LRBA: variants seen among roughly 807,000 people sequenced by gnomAD.
The protein encoded by LRBA is LPS responsive beige-like anchor protein, also known as lipopolysaccharide-responsive and beige-like anchor protein.
In LRBA, 176 loss-of-function variants were observed where a neutral mutation model predicts 330.0. That is an observed-to-expected ratio of 0.53 (90% CI 0.47 to 0.60). The LOEUF is 0.60. Among genes scored for constraint, LRBA ranks in the 20% least tolerant of loss-of-function variants. The probability of loss-of-function intolerance (pLI) is 0.00; values close to 1 mark genes in which losing one functional copy is unlikely to be tolerated. For synonymous variants in LRBA, 1,230 were observed against 1,193.0 expected, an observed-to-expected ratio of 1.03 and a Z score of -0.64; for missense variants, 3,259 against 3,444.8, an observed-to-expected ratio of 0.95 and a Z score of 1.35.
At chr4:150,593,702 AAAC>A (rs529636032) in intron 38 of LRBA, among the ~76,000 whole-genome samples, 241 of 152,308 alleles carry the variant, frequency 1.6e-3, no homozygotes, top group Middle Eastern at 3.4e-3. Context: ...TGAACATGCC[AAAC>A]ACATCAGAAA....
At chr4:150,427,501 T>C (rs529650013) in intron 46 of LRBA, among the ~76,000 whole-genome samples, 31 of 151,848 alleles carry the variant, frequency 2.0e-4, no homozygotes, top group African/African-American at 7.0e-4. Context: ...AAGTTACGTA[T>C]AAAAAGCAAG....
intron 36 of LRBA, among the ~76,000 whole-genome samples, chr4:150,700,863 T>C (rs1056664853): frequency 6.6e-6 from 1 of 151,962 alleles, no homozygotes; most frequent in Non-Finnish European, 1.5e-5. Flanking sequence ...GCTCGAGTGA[T>C]TCTCCCACTT....
At chr4:150,872,897 A>G (rs1334731719) in intron 17 of LRBA, 142 bp from the exon 18 acceptor site, 12 of 446,298 alleles carry the variant, frequency 2.7e-5, no homozygotes, top group East Asian at 4.0e-5. Flanking sequence ...GTATATAAAA[A>G]ATCTGCTTAT....
chr4:150,597,196 G>C lies in LRBA; in HGVS notation c.6046+1811C>G. 4.5e-6 allele frequency: 3 copies of C among 666,068 alleles called. No individual in the cohort carries two copies. In the South Asian group the frequency reaches 6.8e-5, roughly 15 times the overall value. The allele number at this position is 666,068 out of a possible 1,614,324, so 41.3% of individuals were successfully genotyped here. On this transcript the variant is annotated intron_variant, in intron 38 of 56. Coordinates refer to ENST00000651943, the MANE Select transcript of LRBA (RefSeq NM_001364905.1). Reference sequence around the variant, plus strand: ...CAGAGTGAAATCTACTTCTATACAAGTCAAGAGTCTTAGGATGATAGTAAA... The same window carrying C: ...CAGAGTGAAATCTACTTCTATACAACTCAAGAGTCTTAGGATGATAGTAAA...
At chr4:150,784,417 T>C (rs1738726699) in intron 34 of LRBA, among the ~76,000 whole-genome samples, 1 of 152,184 alleles carries the variant, frequency 6.6e-6, no homozygotes, top group African/African-American at 2.4e-5. Flanking sequence ...TATCGCTGCC[T>C]TTTTGCCCTT....
chr4:150,899,740 A>T (rs1339811388), intron 14 of LRBA, among the ~76,000 whole-genome samples: 1 of 152,144 alleles, frequency 6.6e-6, no homozygotes. Flanking sequence ...AGCATCAATT[A>T]CTAAAAACTA....
intron 54 of LRBA, among the ~76,000 whole-genome samples, chr4:150,284,667 C>T (rs569282363): frequency 1.3e-5 from 2 of 152,236 alleles, no homozygotes; most frequent in South Asian, 2.1e-4. Flanking sequence ...GCTGGGACTA[C>T]AGGTGTGCAC....
intron 35 of LRBA, among the ~76,000 whole-genome samples, chr4:150,749,906 C>G (rs1249343960): frequency 1.3e-5 from 2 of 152,184 alleles, no homozygotes; most frequent in African/African-American, 4.8e-5. Flanking sequence ...TTGAATACTT[C>G]TCTTGACATT....
chr4:150,993,249 A>G lies in LRBA; in HGVS notation c.216+21178T>C, dbSNP rs1378533270. 2.6e-5 allele frequency among the ~76,000 whole-genome samples: 4 copies of G among 152,394 alleles called. No homozygotes were observed. The East Asian group carries it at 7.7e-4, about 29-fold the overall frequency. On this transcript the variant is annotated intron_variant, in intron 2 of 56. Transcript: ENST00000651943. ...TTTTTCAAAAATTTGAATTGTAATA[A>G]AAGGAAATTTCAATGTTCTATTTCA...
intron 31 of LRBA, among the ~76,000 whole-genome samples, chr4:150,813,932 C>T (rs1354650705): frequency 6.6e-6 from 1 of 151,930 alleles, no homozygotes; most frequent in African/African-American, 2.4e-5. Context: ...AATATTTTCA[C>T]CTTACAATGG....
intron 37 of LRBA, among the ~76,000 whole-genome samples, chr4:150,652,601 T>G (rs1044273444): frequency 6.6e-5 from 10 of 152,194 alleles, no homozygotes; most frequent in Admixed American, 4.6e-4. Flanking sequence ...CAGATAAAAT[T>G]AATTCTAATA....
At chr4:150,770,311 T>C (rs1407353366) in intron 34 of LRBA, among the ~76,000 whole-genome samples, 2 of 152,112 alleles carry the variant, frequency 1.3e-5, no homozygotes, top group East Asian at 1.9e-4. Flanking sequence ...TCCCTCATAA[T>C]AAATTTCTTT....
chr4:150,905,822 T>C lies in LRBA; in HGVS notation c.1755+16A>G. ...CAAAGATAGTAAAACAATATCAATA[T>C]ATAGATATATATTACCTTGGCTGGG... On this transcript the variant is annotated intron_variant, in intron 13 of 56. Transcript: ENST00000651943. 1 of 1,595,714 alleles carries C rather than the reference T, an allele frequency of 6.3e-7. No homozygotes were observed. Among genetic ancestry groups the C allele is most frequent in the Non-Finnish European group, 8.6e-7 (1 of 1,167,914 alleles).
intron 37 of LRBA, among the ~76,000 whole-genome samples, chr4:150,680,365 G>A (rs1031532329): frequency 6.6e-6 from 1 of 152,154 alleles, no homozygotes; most frequent in Non-Finnish European, 1.5e-5. Context: ...AAGAGAGAGA[G>A]AGAAAGAACT....
intron 2 of LRBA, among the ~76,000 whole-genome samples, chr4:150,951,723 G>C (rs1438487274): frequency 6.6e-6 from 1 of 152,084 alleles, no homozygotes; most frequent in African/African-American, 2.4e-5. Flanking sequence ...TAATAAAGTA[G>C]TTAGGTCCTG....
intron 36 of LRBA, among the ~76,000 whole-genome samples, chr4:150,684,796 G>A (rs1314005376): frequency 6.6e-6 from 1 of 151,992 alleles, no homozygotes; most frequent in African/African-American, 2.4e-5. Context: ...CTTGATGTTG[G>A]GATAAATATT....
intron 4 of LRBA, among the ~76,000 whole-genome samples, chr4:150,923,184 CA>C (rs372277904): frequency 7.0e-4 from 96 of 137,234 alleles, no homozygotes; most frequent in African/African-American, 9.6e-4. Flanking sequence ...ATCGTAAAGT[CA>C]AAAAAAAAAA....
intron 35 of LRBA, among the ~76,000 whole-genome samples, chr4:150,736,663 T>C (rs948219404): frequency 1.3e-5 from 2 of 152,072 alleles, no homozygotes; most frequent in African/African-American, 4.8e-5. Flanking sequence ...AGATACATAA[T>C]TAGAAAAAAG....
At chr4:150,747,974 A>C (rs1720987777) in intron 35 of LRBA, among the ~76,000 whole-genome samples, 1 of 152,152 alleles carries the variant, frequency 6.6e-6, no homozygotes, top group African/African-American at 2.4e-5. Context: ...TTTCAAATCT[A>C]ACATTTCCAG....
Sources: gnomAD v4.1 joint callset for allele counts (sites outside exome capture counted in the v4.1 genomes callset) on GRCh38, gnomAD v4.1.1 for gene constraint, MANE v1.5 for transcripts, NCBI Gene and HGNC (gene_info 2026-07-23, HGNC 2026-07-21) for gene names.